The following GFRA1 variants were observed in gnomAD, a reference collection of about 807,000 sequenced individuals.
The protein encoded by GFRA1 is GDNF family receptor alpha-1.
GFRA1 carries 16 observed loss-of-function variants against 51.6 expected under a neutral mutation model. That is an observed-to-expected ratio of 0.31 (90% CI 0.21 to 0.47). GFRA1 has a LOEUF of 0.47. GFRA1 is among the 20% of genes least tolerant of loss of function. The probability of loss-of-function intolerance (pLI) is 1.00; values close to 1 mark genes in which losing one functional copy is unlikely to be tolerated. For missense variants in GFRA1, 530 were observed against 594.3 expected (o/e 0.89, Z 1.13); for synonymous variants, 270 against 241.3 (o/e 1.12, Z -1.10).
At chr10:116,067,801 C>T (rs955212120) in intron 9 of GFRA1, among the ~76,000 whole-genome samples, 1 of 152,172 alleles carries the variant, frequency 6.6e-6, no homozygotes, top group Admixed American at 6.5e-5. Flanking sequence ...AGCTTTCAAC[C>T]AGGGAGACAC....
At chr10:116,166,651 G>C (rs535417627) in intron 5 of GFRA1, among the ~76,000 whole-genome samples, 6 of 152,118 alleles carry the variant, frequency 3.9e-5, no homozygotes, top group African/African-American at 1.4e-4. Context: ...CCACACCCTA[G>C]AGACAAGAAG....
rs561980975 is a variant in GFRA1, at chr10:116,111,350, C to A, written c.770+13871G>T. ...CCAGCCCAGGCAGTGACTAGAGATA[C>A]CATCAGCTTGTCTCAGTATCCTTTG... On this transcript the variant is annotated intron_variant, in intron 6 of 10. Transcript: ENST00000355422. Among the ~76,000 whole-genome samples, 3 of 152,316 alleles carry A rather than the reference C, an allele frequency of 2.0e-5. No homozygotes were observed. The South Asian group carries it at 6.2e-4, about 32-fold the overall frequency.
chr10:116,132,149 A>G (rs1226120882), intron 5 of GFRA1, among the ~76,000 whole-genome samples: 1 of 152,074 alleles, frequency 6.6e-6, no homozygotes, highest in South Asian at 2.1e-4. Flanking sequence ...TCAAGGCTGC[A>G]GTGAGCCATG....
Position 116,196,746 on chromosome 10 carries a change from A to T in GFRA1, c.433+14885T>A, listed in dbSNP as rs867648371. Among the ~76,000 whole-genome samples the T allele has an allele frequency of 6.1e-3, 517 of 84,150 alleles. 25 individuals carry two copies. The highest frequency in any genetic ancestry group is 0.021 in the African/African-American group (490 of 23,780). 55.2% of individuals were successfully genotyped at this position (84,150 alleles called of 152,430 possible). On this transcript the variant is annotated intron_variant, in intron 5 of 10. Transcript: ENST00000355422. ...TATATAATATATAATACTATATATAATATATATTATATATTATATATATAA... is the reference window on the plus strand; with the variant it reads ...TATATAATATATAATACTATATATATTATATATTATATATTATATATATAA...
chr10:116,126,027 A>C (rs548286653), intron 5 of GFRA1, among the ~76,000 whole-genome samples: 1 of 152,374 alleles, frequency 6.6e-6, no homozygotes, highest in East Asian at 1.9e-4. Context: ...ATATGATTAC[A>C]CAGTAATTAC....
At chr10:116,106,852 G>A (rs1216947738) in intron 6 of GFRA1, among the ~76,000 whole-genome samples, 4 of 152,060 alleles carry the variant, frequency 2.6e-5, no homozygotes, top group Non-Finnish European at 5.9e-5. Flanking sequence ...ATGGCTTGGT[G>A]CTGTCCTTGT....
intron 9 of GFRA1, among the ~76,000 whole-genome samples, chr10:116,077,234 G>T (rs1955656756): frequency 6.6e-6 from 1 of 152,088 alleles, no homozygotes; most frequent in Admixed American, 6.6e-5. Context: ...TAGGAGATTA[G>T]GGATAAAAGA....
At chr10:116,181,470 C>G (rs10787634) in intron 5 of GFRA1, among the ~76,000 whole-genome samples, 84,426 of 152,092 alleles carry the variant, frequency 0.56, 23,626 homozygotes, top group Middle Eastern at 0.67. Context: ...ATCTCAACAC[C>G]TGTCCTCATG....
intron 4 of GFRA1, among the ~76,000 whole-genome samples, chr10:116,218,873 C>A (rs1270910490): frequency 6.6e-6 from 1 of 152,176 alleles, no homozygotes; most frequent in African/African-American, 2.4e-5. Context: ...GGAGAAAGTT[C>A]TCTCGTTTTC....
intron 5 of GFRA1, among the ~76,000 whole-genome samples, chr10:116,133,035 C>A (rs1301761208): frequency 1.3e-5 from 2 of 152,042 alleles, no homozygotes; most frequent in African/African-American, 2.4e-5. Flanking sequence ...TCCCCTCCCC[C>A]TCTAATCTCT....
chr10:116,210,721 G>A (rs1257418212), intron 5 of GFRA1, among the ~76,000 whole-genome samples: 1 of 152,166 alleles, frequency 6.6e-6, no homozygotes, highest in African/African-American at 2.4e-5. Context: ...TACCAAGCCT[G>A]TAAGATTATT....
intron 5 of GFRA1, among the ~76,000 whole-genome samples, chr10:116,137,740 A>G (rs1022496593): frequency 6.6e-6 from 1 of 152,218 alleles, no homozygotes; most frequent in Non-Finnish European, 1.5e-5. Context: ...GCTGCACTCA[A>G]GAGGACCAAG....
intron 4 of GFRA1, among the ~76,000 whole-genome samples, chr10:116,233,327 CAA>C (rs1225948314): frequency 1.4e-5 from 2 of 141,026 alleles, no homozygotes; most frequent in African/African-American, 2.6e-5. Flanking sequence ...GACTCCATCT[CAA>C]AAAAAAAAAA....
intron 6 of GFRA1, among the ~76,000 whole-genome samples, chr10:116,116,433 A>G (rs563735488): frequency 2.6e-5 from 4 of 152,360 alleles, no homozygotes; most frequent in African/African-American, 9.6e-5. Context: ...AGACACAGCC[A>G]GATCCCTGAT....
intron 2 of GFRA1, 116 bp from the exon 3 acceptor site, chr10:116,271,231 CT>C: frequency 1.3e-6 from 1 of 796,842 alleles, no homozygotes. Context: ...CGGGGGCGCC[CT>C]GCTCTGGGAG....
chr10:116,065,678 A>T, intron 9 of GFRA1, 52 bp from the exon 10 acceptor site: 2 of 1,421,832 alleles, frequency 1.4e-6, no homozygotes, highest in Non-Finnish European at 9.9e-7. Context: ...AAGAGTAATT[A>T]CTGATGATCC....
At chr10:116,188,573 A>G (rs1037848204) in intron 5 of GFRA1, among the ~76,000 whole-genome samples, 3 of 152,094 alleles carry the variant, frequency 2.0e-5, no homozygotes, top group African/African-American at 7.2e-5. Flanking sequence ...GAATATACTT[A>G]ATGCCACTGA....
chr10:116,165,611 T>C (rs1218659663), intron 5 of GFRA1, among the ~76,000 whole-genome samples: 1 of 152,066 alleles, frequency 6.6e-6, no homozygotes, highest in East Asian at 1.9e-4. Flanking sequence ...CTAGTTGTTC[T>C]GCCTTGGTGT....
At chr10:116,258,369 A>G (rs930102971) in intron 4 of GFRA1, among the ~76,000 whole-genome samples, 2 of 11,758 alleles carry the variant, frequency 1.7e-4, no homozygotes, top group African/African-American at 4.9e-4. Flanking sequence ...ATAATAATAA[A>G]ATAATATCTA....
Sources: gnomAD v4.1 joint callset for allele counts (sites outside exome capture counted in the v4.1 genomes callset) on GRCh38, gnomAD v4.1.1 for gene constraint, MANE v1.5 for transcripts, NCBI Gene and HGNC (gene_info 2026-07-23, HGNC 2026-07-21) for gene names.